HDAC4: variants seen among roughly 807,000 people sequenced by gnomAD.
HDAC4 encodes histone deacetylase 4.
HDAC4 carries 16 observed loss-of-function variants against 135.1 expected under a neutral mutation model. The ratio of observed to expected loss-of-function variants is 0.12; its 90% CI spans 0.08 to 0.18. HDAC4 has a LOEUF of 0.18. HDAC4 is among the 10% of genes least tolerant of loss of function. The probability of loss-of-function intolerance (pLI) is 1.00; values close to 1 mark genes in which losing one functional copy is unlikely to be tolerated. For missense variants in HDAC4, 1,143 were observed against 1,511.8 expected (o/e 0.76, Z 4.05); for synonymous variants, 685 against 653.4 (o/e 1.05, Z -0.74).
Position 239,293,474 on chromosome 2 carries a change from G to A in HDAC4, c.23-56810C>T, listed in dbSNP as rs931855711. 7.9e-5 allele frequency among the ~76,000 whole-genome samples: 12 copies of A among 152,294 alleles called. No individual in the cohort carries two copies. The South Asian group carries it at 1.7e-3, about 21-fold the overall frequency. On this transcript the variant is annotated intron_variant, in intron 2 of 26. Coordinates refer to ENST00000543185, the MANE Select transcript of HDAC4 (RefSeq NM_001378414.1). ...GGATACAATCTACCCCAGCAGGGGC[G>A]GAACATTAACAAGGGCGGAGAGCAG... is the stretch of plus-strand genomic sequence containing the variant.
chr2:239,265,005 C>T (rs1372457551), intron 2 of HDAC4, among the ~76,000 whole-genome samples: 1 of 152,186 alleles, frequency 6.6e-6, no homozygotes, highest in Non-Finnish European at 1.5e-5. Flanking sequence ...CAGAGCAGGG[C>T]AGGCCCAATG....
chr2:239,373,123 T>C (rs544758472), intron 1 of HDAC4, among the ~76,000 whole-genome samples: 1 of 152,242 alleles, frequency 6.6e-6, no homozygotes, highest in Admixed American at 6.5e-5. Context: ...GAGTGGGGGC[T>C]GAGTGAAGTA....
intron 12 of HDAC4, among the ~76,000 whole-genome samples, chr2:239,121,529 G>A (rs1010299550): frequency 3.3e-5 from 5 of 152,212 alleles, no homozygotes; most frequent in Non-Finnish European, 5.9e-5. Flanking sequence ...TGCGGATGGC[G>A]TGTGCTGCCA....
rs890458276 is a variant in HDAC4, at chr2:239,308,313, G to A, written c.22+44365C>T. 3.9e-5 allele frequency among the ~76,000 whole-genome samples: 6 copies of A among 152,128 alleles called. No individual in the cohort carries two copies. Among genetic ancestry groups the A allele is most frequent in the Admixed American group, 6.5e-5 (1 of 15,286 alleles). The stretch of plus-strand genomic sequence containing the variant: ...TTCTTCCTCATCAAGCTGGCCCCCT[G>A]GTGACACGGGACAAGAGGATAACCT... On this transcript the variant is annotated intron_variant, in intron 2 of 26. Coordinates refer to ENST00000543185, the MANE Select transcript of HDAC4 (RefSeq NM_001378414.1). The surrounding 1 kb of genome is among the most constrained non-coding windows in gnomAD (Gnocchi z 4.2).
At chr2:239,192,931 A>G (rs2045098315) in intron 3 of HDAC4, among the ~76,000 whole-genome samples, 1 of 152,214 alleles carries the variant, frequency 6.6e-6, no homozygotes, top group South Asian at 2.1e-4. Flanking sequence ...TAGCATCAAC[A>G]ACGACCATGT....
intron 3 of HDAC4, among the ~76,000 whole-genome samples, chr2:239,226,985 C>T (rs1458818620): frequency 6.6e-6 from 1 of 152,202 alleles, no homozygotes; most frequent in Non-Finnish European, 1.5e-5. Context: ...GAAAGACACA[C>T]CAACACAACA....
intron 22 of HDAC4, among the ~76,000 whole-genome samples, chr2:239,074,643 C>G (rs2034549651): frequency 6.6e-6 from 1 of 152,232 alleles, no homozygotes; most frequent in African/African-American, 2.4e-5. Flanking sequence ...AGGTTGTGAT[C>G]CCAAACACCT....
chr2:239,305,122 C>T (rs1248077875), intron 2 of HDAC4, among the ~76,000 whole-genome samples: 1 of 152,168 alleles, frequency 6.6e-6, no homozygotes, highest in Non-Finnish European at 1.5e-5. Context: ...ACAGGAGGCT[C>T]ACCACGTTTC....
At chr2:239,055,268 C>T (rs1574841811) in intron 24 of HDAC4, 2 of 251,430 alleles carry the variant, frequency 8.0e-6, no homozygotes, top group South Asian at 4.2e-5. Flanking sequence ...AAGGTGGGGT[C>T]GGGGGAGATG....
intron 3 of HDAC4, among the ~76,000 whole-genome samples, chr2:239,192,597 G>A (rs1002737635): frequency 1.3e-5 from 2 of 152,162 alleles, no homozygotes; most frequent in Admixed American, 6.5e-5. Context: ...TGGGGGCTAC[G>A]GGTCCGGCTC....
intron 2 of HDAC4, among the ~76,000 whole-genome samples, chr2:239,341,435 T>G (rs193165033): frequency 6.6e-6 from 1 of 152,318 alleles, no homozygotes; most frequent in East Asian, 1.9e-4. Flanking sequence ...TCAGTCCATG[T>G]GAAAACAAAG....
chr2:239,135,337 G>A (rs573783683), intron 9 of HDAC4, among the ~76,000 whole-genome samples: 2 of 152,306 alleles, frequency 1.3e-5, no homozygotes, highest in South Asian at 2.1e-4. Context: ...TGAGGCAGAC[G>A]AGGGTCAGCA....
At chr2:239,205,753 G>A (rs1391145677) in intron 3 of HDAC4, among the ~76,000 whole-genome samples, 5 of 152,024 alleles carry the variant, frequency 3.3e-5, no homozygotes, top group Non-Finnish European at 5.9e-5. Context: ...GAAGGAAGAA[G>A]TTTACCTAAC....
At chr2:239,189,693 G>A (rs558977129) in intron 4 of HDAC4, 140 bp downstream of exon 4, 139 of 774,412 alleles carry the variant, frequency 1.8e-4, no homozygotes, top group East Asian at 3.8e-4. Flanking sequence ...TGGTGTTACC[G>A]TCCCAACGCA....
At position 239,119,007 on chromosome 2, in the gene HDAC4, C is replaced by T. The variant is rs865886781; in HGVS notation, c.1534-3697G>A. On this transcript the variant is annotated intron_variant, in intron 12 of 26. Transcript: ENST00000543185. Reference sequence around the variant, plus strand: ...CTGTGAGCAGGGGTGCCAGGTGCAGCAGGGGCGCCGGGTGAAGCAGCGCTG... The same window carrying T: ...CTGTGAGCAGGGGTGCCAGGTGCAGTAGGGGCGCCGGGTGAAGCAGCGCTG... 3.9e-5 allele frequency among the ~76,000 whole-genome samples: 6 copies of T among 152,268 alleles called. No individual in the cohort carries two copies. In the Middle Eastern group the frequency reaches 0.014, roughly 345 times the overall value.
chr2:239,270,486 G>A (rs745730845), intron 2 of HDAC4, among the ~76,000 whole-genome samples: 37 of 152,062 alleles, frequency 2.4e-4, no homozygotes, highest in African/African-American at 1.7e-4. Context: ...AGAATGAGGC[G>A]ATAGAGAAAA....
At chr2:239,087,435 A>G in intron 19 of HDAC4, 124 bp downstream of exon 19, 1 of 921,858 alleles carries the variant, frequency 1.1e-6, no homozygotes, top group Non-Finnish European at 1.7e-6. Context: ...GGCATGCGGC[A>G]CATCCTGGGT....
At chr2:239,366,533 G>A (rs1391926076) in intron 1 of HDAC4, among the ~76,000 whole-genome samples, 1 of 152,226 alleles carries the variant, frequency 6.6e-6, no homozygotes, top group Non-Finnish European at 1.5e-5. Context: ...TCTCTAGCAT[G>A]TACAAACTTA....
chr2:239,066,008 A>G (rs2033423361), intron 24 of HDAC4, among the ~76,000 whole-genome samples: 1 of 152,156 alleles, frequency 6.6e-6, no homozygotes, highest in South Asian at 2.1e-4. Context: ...TGGATATGAC[A>G]TTGGTAGCTG....
Sources: allele counts gnomAD v4.1 joint callset (sites outside exome capture counted in the v4.1 genomes callset), GRCh38; gene constraint gnomAD v4.1.1; non-coding constraint Gnocchi (gnomAD v3.1); transcripts MANE v1.5; gene names NCBI Gene and HGNC (gene_info 2026-07-23, HGNC 2026-07-21).